DISP1: variants seen among roughly 807,000 people sequenced by gnomAD.
DISP1 encodes protein dispatched homolog 1.
DISP1 carries 30 observed loss-of-function variants against 37.3 expected under a neutral mutation model. The observed-to-expected ratio is 0.80, with a 90% CI of 0.60 to 1.09. DISP1 has a LOEUF of 1.09. Ranked by LOEUF, DISP1 falls within the 50% of genes least tolerant of loss-of-function variation. The probability of loss-of-function intolerance (pLI) is 0.00; values close to 1 mark genes in which losing one functional copy is unlikely to be tolerated. For missense variants in DISP1, 1,598 were observed against 1,879.5 expected (o/e 0.85, Z 2.77); for synonymous variants, 634 against 690.2 (o/e 0.92, Z 1.28).
At chr1:222,988,398 G>T (rs1179031200) in intron 4 of DISP1, among the ~76,000 whole-genome samples, 3 of 152,132 alleles carry the variant, frequency 2.0e-5, no homozygotes, top group Admixed American at 1.3e-4. Context: ...GACTATCTAG[G>T]TTCCTAGTTT....
intron 1 of DISP1, among the ~76,000 whole-genome samples, chr1:222,819,513 CAT>C (rs1338527529): frequency 1.7e-5 from 2 of 115,690 alleles, no homozygotes; most frequent in African/African-American, 6.1e-5. Context: ...ATGTTATATA[CAT>C]ACACACACAC....
At chr1:222,978,988 T>G (rs1324876060) in intron 3 of DISP1, among the ~76,000 whole-genome samples, 1 of 152,068 alleles carries the variant, frequency 6.6e-6, no homozygotes, top group Non-Finnish European at 1.5e-5. Flanking sequence ...GGCTTAGGAT[T>G]GACTTGGCGA....
At chr1:222,859,446 T>C (rs944603476) in intron 1 of DISP1, among the ~76,000 whole-genome samples, 1 of 152,212 alleles carries the variant, frequency 6.6e-6, no homozygotes, top group African/African-American at 2.4e-5. Context: ...TGTTTACCTA[T>C]GTAACAAACC....
At chr1:223,000,842 A>G (rs1163575945) in intron 8 of DISP1, among the ~76,000 whole-genome samples, 2 of 152,206 alleles carry the variant, frequency 1.3e-5, no homozygotes, top group African/African-American at 2.4e-5. Context: ...TACATGATTG[A>G]TAAAGCCAGT....
At chr1:222,947,958 G>C (rs929035761) in intron 3 of DISP1, among the ~76,000 whole-genome samples, 1 of 152,158 alleles carries the variant, frequency 6.6e-6, no homozygotes, top group Non-Finnish European at 1.5e-5. Context: ...GAGAGATTTA[G>C]GAGGTGGAAT....
At chr1:222,845,891 G>A (rs114521991) in intron 1 of DISP1, among the ~76,000 whole-genome samples, 368 of 152,212 alleles carry the variant, frequency 2.4e-3, no homozygotes, top group Non-Finnish European at 4.0e-3. Flanking sequence ...AGTGAATCTG[G>A]ATTTTTAGTG....
chr1:222,896,656 AT>A (rs1039200584), intron 1 of DISP1, among the ~76,000 whole-genome samples: 14 of 152,066 alleles, frequency 9.2e-5, no homozygotes, highest in Non-Finnish European at 1.9e-4. Context: ...AGGAGAAAAT[AT>A]TTGTAATACA....
Position 222,884,227 on chromosome 1 carries a change from T to G in DISP1, c.-158-44203T>G, listed in dbSNP as rs538988001. Among the ~76,000 whole-genome samples, 6 of 152,304 alleles carry G rather than the reference T, an allele frequency of 3.9e-5. No homozygotes were observed. The South Asian group carries it at 1.2e-3, about 32-fold the overall frequency. ...ATAATTTTAAACTTTCAGAAAACTT[T>G]CATAGAGTTCCTGGGTTCCCAGCTT... On this transcript the variant is annotated intron_variant, in intron 1 of 8. Coordinates refer to ENST00000675850, the MANE Select transcript of DISP1 (RefSeq NM_001377229.1).
intron 1 of DISP1, among the ~76,000 whole-genome samples, chr1:222,889,634 A>G (rs1478731335): frequency 6.6e-6 from 1 of 151,998 alleles, no homozygotes; most frequent in East Asian, 1.9e-4. Flanking sequence ...CAAAGACTAC[A>G]CAAAACACAG....
intron 3 of DISP1, among the ~76,000 whole-genome samples, chr1:222,954,725 A>G (rs1009973789): frequency 1.2e-4 from 19 of 152,256 alleles, no homozygotes; most frequent in Non-Finnish European, 2.2e-4. Context: ...AAAAATGAAC[A>G]AAAGGCTGGG....
At chr1:222,864,104 T>G (rs1286111823) in intron 1 of DISP1, among the ~76,000 whole-genome samples, 2 of 152,172 alleles carry the variant, frequency 1.3e-5, no homozygotes, top group African/African-American at 2.4e-5. Flanking sequence ...AATTAAAGTT[T>G]TATATCTAAA....
intron 1 of DISP1, among the ~76,000 whole-genome samples, chr1:222,868,653 G>T (rs949154199): frequency 1.3e-5 from 2 of 152,076 alleles, no homozygotes; most frequent in Non-Finnish European, 2.9e-5. Flanking sequence ...CAACAGTGAT[G>T]TCAGTTAGCA....
intron 1 of DISP1, among the ~76,000 whole-genome samples, chr1:222,849,413 A>G (rs147783572): frequency 2.5e-4 from 38 of 152,312 alleles, no homozygotes; most frequent in African/African-American, 9.1e-4. Flanking sequence ...TTATACAAAA[A>G]AGGCTGTCTA....
chr1:222,943,747 G>A (rs376555286), intron 3 of DISP1, among the ~76,000 whole-genome samples: 2 of 152,098 alleles, frequency 1.3e-5, no homozygotes, highest in Non-Finnish European at 2.9e-5. Flanking sequence ...ACCCCTTGCC[G>A]GCCAGATGCG....
rs1553254646 is a variant in DISP1 at position 222,984,421 on chromosome 1, A to AAATAT, written c.539+1313_539+1314insATATA. On this transcript the variant is annotated intron_variant, in intron 4 of 8. Transcript: ENST00000675850. ...TCTGTCTCAAAAAAAAAAAAAAAAA[A>AAATAT]ATATATATATATATAGAGAGAGAGA... 3.8e-3 allele frequency among the ~76,000 whole-genome samples: 401 copies of AAATAT among 105,770 alleles called. 29 individuals are homozygous for AAATAT. Among genetic ancestry groups the AAATAT allele is most frequent in the Middle Eastern group, 0.011 (2 of 188 alleles). 69.4% of individuals were successfully genotyped at this position (105,770 alleles called of 152,430 possible). A position where few individuals can be genotyped will look rare whatever the true frequency, so the allele number is the denominator to read the frequency against.
intron 3 of DISP1, among the ~76,000 whole-genome samples, chr1:222,944,652 T>C (rs1315529414): frequency 1.3e-5 from 2 of 152,234 alleles, no homozygotes; most frequent in Admixed American, 6.5e-5. Flanking sequence ...TCCCTCTGTC[T>C]TCACCAGAAG....
intron 1 of DISP1, among the ~76,000 whole-genome samples, chr1:222,839,137 T>C (rs989169279): frequency 6.6e-6 from 1 of 152,180 alleles, no homozygotes; most frequent in African/African-American, 2.4e-5. Context: ...CGGGTAACAC[T>C]GTGTGGCCTG....
intron 3 of DISP1, among the ~76,000 whole-genome samples, chr1:222,953,703 A>C (rs1332187286): frequency 6.6e-6 from 1 of 152,210 alleles, no homozygotes; most frequent in Non-Finnish European, 1.5e-5. Flanking sequence ...GATAATGTTT[A>C]TAAAATTTAA....
chr1:222,908,958 G>A (rs930542121), intron 1 of DISP1, among the ~76,000 whole-genome samples: 5 of 151,566 alleles, frequency 3.3e-5, no homozygotes, highest in African/African-American at 4.9e-5. Flanking sequence ...ATCCTGGTAC[G>A]GTTTGGGATA....
Sources: allele counts gnomAD v4.1 joint callset (sites outside exome capture counted in the v4.1 genomes callset), GRCh38; gene constraint gnomAD v4.1.1; transcripts MANE v1.5; gene names NCBI Gene and HGNC (gene_info 2026-07-23, HGNC 2026-07-21).